The following FSTL5 variants were observed in gnomAD, a reference collection of about 807,000 sequenced individuals.
FSTL5 encodes the protein follistatin-related protein 5.
Under a neutral mutation model 89.1 loss-of-function variants are expected in FSTL5, and 62 were observed. That is an observed-to-expected ratio of 0.70 (90% CI 0.57 to 0.86). The LOEUF (loss-of-function observed/expected upper bound fraction) is 0.86. FSTL5 is among the 40% of genes least tolerant of loss of function. The probability of loss-of-function intolerance (pLI) is 0.00; values close to 1 mark genes in which losing one functional copy is unlikely to be tolerated. For missense variants in FSTL5, 1,057 were observed against 1,001.6 expected, an observed-to-expected ratio of 1.06 and a Z score of -0.75; for synonymous variants, 383 against 346.2, an observed-to-expected ratio of 1.11 and a Z score of -1.18.
At chr4:161,562,186 ATC>A (rs1266896888) in intron 8 of FSTL5, among the ~76,000 whole-genome samples, 2 of 151,736 alleles carry the variant, frequency 1.3e-5, no homozygotes, top group Non-Finnish European at 2.9e-5. Context: ...TGTTCTATTG[ATC>A]TATGTCTATG....
intron 4 of FSTL5, among the ~76,000 whole-genome samples, chr4:161,914,905 C>A (rs148509867): frequency 6.6e-6 from 1 of 152,266 alleles, no homozygotes; most frequent in East Asian, 1.9e-4. Context: ...TTAATCTTCA[C>A]CAATACCATA....
intron 8 of FSTL5, among the ~76,000 whole-genome samples, chr4:161,571,546 T>G (rs532513968): frequency 6.6e-6 from 1 of 151,768 alleles, no homozygotes; most frequent in African/African-American, 2.4e-5. Context: ...TTAAGAAAAA[T>G]AGAGCATTAG....
chr4:161,396,406 C>T (rs750929062), intron 15 of FSTL5, among the ~76,000 whole-genome samples: 11 of 151,518 alleles, frequency 7.3e-5, no homozygotes, highest in Non-Finnish European at 1.5e-4. Flanking sequence ...CTTTGGAAAG[C>T]CGAGGAACTC....
chr4:161,832,858 G>C (rs1730894819), intron 4 of FSTL5, among the ~76,000 whole-genome samples: 1 of 149,864 alleles, frequency 6.7e-6, no homozygotes, highest in African/African-American at 2.4e-5. Context: ...TTTTTTGAAG[G>C]GTTTTTTGTG....
chr4:161,651,339 A>T (rs1578995931), intron 7 of FSTL5, among the ~76,000 whole-genome samples: 1 of 152,068 alleles, frequency 6.6e-6, no homozygotes, highest in East Asian at 1.9e-4. Flanking sequence ...TTGAAAAAAA[A>T]AAAAAAAGAA....
intron 2 of FSTL5, among the ~76,000 whole-genome samples, chr4:162,040,327 A>G (rs1187432290): frequency 6.6e-6 from 1 of 152,080 alleles, no homozygotes; most frequent in Non-Finnish European, 1.5e-5. Flanking sequence ...ACTTGAGAAT[A>G]GGAGAATGTC....
intron 6 of FSTL5, among the ~76,000 whole-genome samples, chr4:161,698,176 GA>G (rs1447728470): frequency 6.6e-6 from 1 of 152,170 alleles, no homozygotes; most frequent in Non-Finnish European, 1.5e-5. Flanking sequence ...ACAGCAAGAA[GA>G]TGGCCATTTG....
intron 1 of FSTL5, among the ~76,000 whole-genome samples, chr4:162,135,433 C>G (rs1732487360): frequency 6.6e-6 from 1 of 152,020 alleles, no homozygotes; most frequent in African/African-American, 2.4e-5. Context: ...TGCAATCTCA[C>G]AGCCTAGAGA....
chr4:162,147,595 C>T (rs60325816), intron 1 of FSTL5, among the ~76,000 whole-genome samples: 35,410 of 152,030 alleles, frequency 0.23, 4,318 homozygotes, highest in Non-Finnish European at 0.26. Flanking sequence ...TTTGTGTACT[C>T]TGTAAGTTAC....
At chr4:161,796,511 TTC>T (rs2126825148) in intron 4 of FSTL5, among the ~76,000 whole-genome samples, 1 of 151,940 alleles carries the variant, frequency 6.6e-6, no homozygotes, top group Non-Finnish European at 1.5e-5. Flanking sequence ...ACATCTGAGA[TTC>T]TCTGTCTTGT....
chr4:161,967,802 G>A (rs1735370173), intron 3 of FSTL5, among the ~76,000 whole-genome samples: 1 of 151,798 alleles, frequency 6.6e-6, no homozygotes, highest in South Asian at 2.1e-4. Context: ...CATATTTTAT[G>A]TTTTCAAGCT....
intron 6 of FSTL5, among the ~76,000 whole-genome samples, chr4:161,732,979 AT>A (rs774956939): frequency 9.3e-5 from 14 of 149,926 alleles, no homozygotes; most frequent in Admixed American, 2.0e-4. Flanking sequence ...TATACTCTTT[AT>A]TTCCATGTAA....
At chr4:161,951,590 T>G (rs2110953956) in intron 3 of FSTL5, among the ~76,000 whole-genome samples, 1 of 152,256 alleles carries the variant, frequency 6.6e-6, no homozygotes, top group Admixed American at 6.5e-5. Context: ...TGCTTGATAC[T>G]ACATGTGTAC....
At chr4:162,004,015 T>G (rs1736539485) in intron 3 of FSTL5, among the ~76,000 whole-genome samples, 1 of 152,160 alleles carries the variant, frequency 6.6e-6, no homozygotes, top group Non-Finnish European at 1.5e-5. Context: ...AAAATGTTGT[T>G]TTCATCATTT....
At chr4:161,732,547 T>G (rs1432478492) in intron 6 of FSTL5, among the ~76,000 whole-genome samples, 5 of 152,076 alleles carry the variant, frequency 3.3e-5, no homozygotes, top group Non-Finnish European at 7.4e-5. Flanking sequence ...AATTTTTATA[T>G]ATAATTAAGA....
chr4:161,958,374 T>A (rs1430711422), intron 3 of FSTL5, among the ~76,000 whole-genome samples: 4 of 152,128 alleles, frequency 2.6e-5, no homozygotes, highest in African/African-American at 9.7e-5. Flanking sequence ...ATTCTTTCCA[T>A]GTCTGCTGAA....
At chr4:161,410,672 TC>T in intron 15 of FSTL5, among the ~76,000 whole-genome samples, 1 of 152,056 alleles carries the variant, frequency 6.6e-6, no homozygotes. Flanking sequence ...ATTTTTGAAA[TC>T]AATGCAAACA....
chr4:161,925,294 AC>A (rs1308950480), intron 3 of FSTL5, among the ~76,000 whole-genome samples: 1 of 151,938 alleles, frequency 6.6e-6, no homozygotes, highest in African/African-American at 2.4e-5. Flanking sequence ...CCTCGGCTAT[AC>A]AAAATGCAAA....
chr4:162,046,541 G>GA (rs1296807093), intron 2 of FSTL5, among the ~76,000 whole-genome samples: 5 of 151,922 alleles, frequency 3.3e-5, no homozygotes. Flanking sequence ...ATACATTCAA[G>GA]AAAGTTTTCT....
Sources: gnomAD v4.1 joint callset for allele counts (sites outside exome capture counted in the v4.1 genomes callset) on GRCh38, gnomAD v4.1.1 for gene constraint, MANE v1.5 for transcripts, NCBI Gene and HGNC (gene_info 2026-07-23, HGNC 2026-07-21) for gene names.